The following DAPK2 variants were observed in gnomAD, a reference collection of about 807,000 sequenced individuals.
The protein encoded by DAPK2 is death-associated protein kinase 2.
In DAPK2, 35 loss-of-function variants were observed where a neutral mutation model predicts 44.1. That is an observed-to-expected ratio of 0.79 (90% CI 0.61 to 1.05). The LOEUF (loss-of-function observed/expected upper bound fraction) is 1.05. DAPK2 is among the 50% of genes least tolerant of loss of function. The pLI is 0.00. For missense variants in DAPK2, 453 were observed against 483.2 expected (o/e 0.94, Z 0.59); for synonymous variants, 174 against 182.6 (o/e 0.95, Z 0.38).
In DAPK2 at chr15:63,982,160, A is replaced by G. The variant is rs17777742; in HGVS notation, c.314+1373T>C. Among the ~76,000 whole-genome samples, 51 of 148,742 alleles carry G rather than the reference A, an allele frequency of 3.4e-4. No homozygotes were observed. In the South Asian group the frequency reaches 0.01, roughly 30 times the overall value. Reference sequence around the variant, plus strand: ...ATCACTCCCGCTACCAGGCAGGTGTATACATGCTTATGAGCCTCAGAATAT... The same window carrying G: ...ATCACTCCCGCTACCAGGCAGGTGTGTACATGCTTATGAGCCTCAGAATAT... On this transcript the variant is annotated intron_variant, in intron 2 of 10. Transcript: ENST00000261891.
intron 1 of DAPK2, among the ~76,000 whole-genome samples, chr15:64,010,018 CTATGCCACTGAAACAAACTGAGTTCTCTG>C (rs2141015437): frequency 6.6e-6 from 1 of 152,314 alleles, no homozygotes; most frequent in Non-Finnish European, 1.5e-5. Flanking sequence ...AATTGTAAAC[CTATGCCACTGAAACAAACTGAGTTCTCTG>C]TAGCACCTGA....
At chr15:64,042,193 T>C (rs1479071442), upstream of DAPK2, among the ~76,000 whole-genome samples, 1 of 152,130 alleles carries the variant, frequency 6.6e-6, no homozygotes, top group Non-Finnish European at 1.5e-5. The surrounding 1 kb of genome is among the most constrained non-coding windows in gnomAD (Gnocchi z 4.7). Flanking sequence ...ATAAGAAAGA[T>C]GATTATTACT....
At chr15:63,951,064 C>T (rs1402723959) in intron 3 of DAPK2, among the ~76,000 whole-genome samples, 6 of 152,166 alleles carry the variant, frequency 3.9e-5, no homozygotes, top group African/African-American at 1.2e-4. Flanking sequence ...CCCCCCTCCC[C>T]GGGGTTCTGG....
In DAPK2 at chr15:63,962,399, T is replaced by A. The variant is rs149342830; in HGVS notation, c.453+9024A>T. Among the ~76,000 whole-genome samples the A allele has an allele frequency of 1.4e-4, 21 of 152,374 alleles. No homozygotes were observed. The East Asian group carries it at 3.9e-3, about 28-fold the overall frequency. ...CTTTGTTCCATTGCTGGCGAGGAGC[T>A]GCGTTCCTTTGGAGGAGAAGAGGCC... is the stretch of plus-strand genomic sequence containing the variant. On this transcript the variant is annotated intron_variant, in intron 3 of 10. Coordinates refer to ENST00000261891, the Ensembl canonical transcript of DAPK2.
At chr15:64,036,973 G>A (rs12443382) in intron 1 of DAPK2, among the ~76,000 whole-genome samples, 68,556 of 152,104 alleles carry the variant, frequency 0.45, 18,744 homozygotes, top group East Asian at 0.78. Flanking sequence ...CCAGCTCTGA[G>A]AGGGATTCCT....
upstream of DAPK2, among the ~76,000 whole-genome samples, chr15:64,044,802 G>T (rs2080422788): frequency 6.6e-6 from 1 of 152,178 alleles, no homozygotes; most frequent in South Asian, 2.1e-4. Flanking sequence ...CTCACCAAGT[G>T]CAAGTGAGTG....
chr15:63,971,529 G>A (rs1276934278), exon 3 of DAPK2: 2 of 1,614,044 alleles, frequency 1.2e-6, no homozygotes, highest in Admixed American at 1.7e-5. Flanking sequence ...CTCCTTCTGG[G>A]CCAGGAAATC....
At chr15:63,930,363 C>T (rs1307772446) in intron 5 of DAPK2, 44 bp downstream of exon 6, 2 of 1,599,426 alleles carry the variant, frequency 1.3e-6, no homozygotes, top group Non-Finnish European at 1.7e-6. Context: ...GCCTTCCGCC[C>T]TTGGAAGGAT....
chr15:64,024,946 G>T (rs914486613), intron 1 of DAPK2, among the ~76,000 whole-genome samples: 1 of 152,176 alleles, frequency 6.6e-6, no homozygotes, highest in Non-Finnish European at 1.5e-5. Context: ...GTTAGAAGCT[G>T]CCAGCAAGGA....
intron 1 of DAPK2, among the ~76,000 whole-genome samples, chr15:64,000,625 A>C (rs957833313): frequency 1.3e-5 from 2 of 152,140 alleles, no homozygotes; most frequent in African/African-American, 4.8e-5. Context: ...AGGGGGAAAA[A>C]AATGAAATTT....
intron 8 of DAPK2, chr15:63,918,459 GA>G (rs1444818996): frequency 1.3e-5 from 2 of 152,316 alleles, no homozygotes; most frequent in Non-Finnish European, 2.9e-5. Context: ...GCTTCCTTGA[GA>G]ATTGTTATTC....
At chr15:64,036,104 T>C (rs150491200) in intron 1 of DAPK2, among the ~76,000 whole-genome samples, 2,266 of 151,070 alleles carry the variant, frequency 0.015, 59 homozygotes, top group African/African-American at 0.053. Flanking sequence ...CTACTAAAAA[T>C]ACAAAAATTA....
intron 4 of DAPK2, among the ~76,000 whole-genome samples, chr15:63,936,306 T>A (rs2077145398): frequency 6.6e-6 from 1 of 152,098 alleles, no homozygotes; most frequent in Non-Finnish European, 1.5e-5. Flanking sequence ...AGTTACTATG[T>A]TTAAAGATTT....
Position 63,940,438 on chromosome 15 carries a change from C to T in DAPK2, c.454-1077G>A, listed in dbSNP as rs186391457. On this transcript the variant is annotated intron_variant, in intron 3 of 10. Transcript: ENST00000261891. ...AAAAGGAATGAAGTACTGCTGGGCG[C>T]GGTGGCTCATGCCTGTAATCCCAGC... 8.4e-4 allele frequency among the ~76,000 whole-genome samples: 128 copies of T among 152,012 alleles called. 1 individual carries two copies. The highest frequency in any genetic ancestry group is 2.9e-3 in the African/African-American group (122 of 41,468).
At chr15:63,965,105 T>C (rs942708410) in intron 3 of DAPK2, among the ~76,000 whole-genome samples, 2 of 152,232 alleles carry the variant, frequency 1.3e-5, no homozygotes, top group African/African-American at 4.8e-5. Flanking sequence ...GCTTTCCAGA[T>C]ATTTGAAAGG....
intron 10 of DAPK2, chr15:63,910,517 G>A (rs983968446): frequency 1.3e-5 from 2 of 152,244 alleles, no homozygotes; most frequent in African/African-American, 4.8e-5. Flanking sequence ...AAAGTCTACA[G>A]GAGGATTTTA....
chr15:63,915,792 T>C (rs2078911995), intron 8 of DAPK2, among the ~76,000 whole-genome samples: 2 of 152,202 alleles, frequency 1.3e-5, no homozygotes, highest in African/African-American at 4.8e-5. Context: ...AGGCTGGCCT[T>C]TCCTAATCAA....
rs1259252020 is a variant in DAPK2 at position 63,923,986 on chromosome 15, T to C, written c.858+830A>G. On this transcript the variant is annotated intron_variant, in intron 8 of 10. Transcript: ENST00000261891. The surrounding 1 kb of genome is among the most constrained non-coding windows in gnomAD (Gnocchi z 4.2). Reference sequence around the variant, plus strand: ...CAGGCATGAGCCACTGCACCTGGCCTGCCTCACCTTTTCTTATCTCCACCT... The same window carrying C: ...CAGGCATGAGCCACTGCACCTGGCCCGCCTCACCTTTTCTTATCTCCACCT... 6.6e-6 allele frequency among the ~76,000 whole-genome samples: 1 copy of C among 152,214 alleles called. No homozygotes were observed. The highest frequency in any genetic ancestry group is 2.1e-4 in the South Asian group (1 of 4,836).
chr15:64,018,079 C>T (rs552961798), intron 1 of DAPK2, among the ~76,000 whole-genome samples: 1 of 152,340 alleles, frequency 6.6e-6, no homozygotes, highest in East Asian at 1.9e-4. Context: ...AAACACCACA[C>T]ACCACAATTT....
Sources: gnomAD v4.1 joint callset for allele counts (sites outside exome capture counted in the v4.1 genomes callset) on GRCh38, gnomAD v4.1.1 for gene constraint, Gnocchi (gnomAD v3.1) non-coding constraint, MANE v1.5 for transcripts, NCBI Gene and HGNC (gene_info 2026-07-23, HGNC 2026-07-21) for gene names.